Variants in IMPG1 observed in about 807,000 individuals in gnomAD.
The protein encoded by IMPG1 is interphotoreceptor matrix proteoglycan 1.
IMPG1 carries 85 observed loss-of-function variants against 92.0 expected under a neutral mutation model. The observed-to-expected ratio is 0.92, with a 90% CI of 0.78 to 1.11. The LOEUF (loss-of-function observed/expected upper bound fraction) is 1.11. Ranked by LOEUF, IMPG1 falls within the 50% of genes least tolerant of loss-of-function variation. The pLI, the probability that IMPG1 is intolerant of heterozygous loss-of-function variation, is 0.00. For synonymous variants in IMPG1, 367 were observed against 334.1 expected (o/e 1.10, Z -1.08); for missense variants, 1,022 against 956.0 (o/e 1.07, Z -0.91).
intron 14 of IMPG1, among the ~76,000 whole-genome samples, chr6:75,932,499 G>T (rs991433290): frequency 6.6e-6 from 1 of 152,178 alleles, no homozygotes; most frequent in Non-Finnish European, 1.5e-5. Context: ...AAAAATGGAT[G>T]TGGGCTGATT....
At chr6:76,030,347 A>T (rs1783632611) in intron 4 of IMPG1, among the ~76,000 whole-genome samples, 1 of 152,014 alleles carries the variant, frequency 6.6e-6, no homozygotes, top group Non-Finnish European at 1.5e-5. Flanking sequence ...TATCTTGGGC[A>T]TATGTTAGGA....
rs80281468 is a variant in IMPG1, at chr6:75,992,834, G to A, written c.1291+10084C>T. ...GGAGGGTCATCTCCTTTCTCTTCAC[G>A]AAAGTCCTTTATACCCTTCTCAACC... On this transcript the variant is annotated intron_variant, in intron 12 of 16. Transcript: ENST00000369950. 4.8e-3 allele frequency among the ~76,000 whole-genome samples: 724 copies of A among 152,140 alleles called. 6 individuals are homozygous for A. The highest frequency in any genetic ancestry group is 0.016 in the African/African-American group (653 of 41,494).
At chr6:76,064,593 T>C (rs1435679765) in intron 1 of IMPG1, among the ~76,000 whole-genome samples, 1 of 152,024 alleles carries the variant, frequency 6.6e-6, no homozygotes, top group Non-Finnish European at 1.5e-5. Flanking sequence ...TCTTAGGGCT[T>C]GTTTGTGCCT....
rs1338550575 is a variant in IMPG1, at chr6:75,921,551, A to T, written c.*538T>A. On this transcript the variant is annotated 3_prime_UTR_variant, in exon 17 of 17. Transcript: ENST00000369950. ...GTTGCGTATAAAACTAGTGTGCCTA[A>T]TAACTGAATACTGAGGTTTGTGTTT... The T allele has an allele frequency of 6.5e-6, 1 of 152,712 alleles. No homozygotes were observed. Among genetic ancestry groups the T allele is most frequent in the Non-Finnish European group, 1.5e-5 (1 of 68,084 alleles). 9.5% of individuals were successfully genotyped at this position (152,712 alleles called of 1,614,324 possible). A position where few individuals can be genotyped will look rare whatever the true frequency, so the allele number is the denominator to read the frequency against.
chr6:76,027,821 G>A (rs1431681559), intron 4 of IMPG1, among the ~76,000 whole-genome samples: 1 of 152,080 alleles, frequency 6.6e-6, no homozygotes, highest in Non-Finnish European at 1.5e-5. Context: ...CATCATTTTG[G>A]CACAATAAAT....
intron 12 of IMPG1, among the ~76,000 whole-genome samples, chr6:75,971,098 GA>G (rs1213305374): frequency 6.6e-6 from 1 of 152,042 alleles, no homozygotes; most frequent in Non-Finnish European, 1.5e-5. Flanking sequence ...ACTGGATTAA[GA>G]AAATGTGGCA....
In IMPG1 at chr6:76,005,360, G is replaced by A. The variant is rs1783076782; in HGVS notation, c.1062C>T (p.Asp354=). 2.5e-6 allele frequency: 4 copies of A among 1,613,772 alleles called. No homozygotes were observed. Among genetic ancestry groups the A allele is most frequent in the South Asian group, 2.2e-5 (2 of 91,076 alleles). The part of the protein sequence containing the change: ...KQPEIYLTAT[D]LKRLISKALE... ...GTGCTTTGCTGATCAGCCTTTTGAG[G>A]TCTGTAGCTGTGAGATAGATTTCTG... Residue 354 remains aspartate (D), a synonymous_variant, in exon 10 of 17, where the codon GAC becomes GAT. Transcript: ENST00000369950.
At chr6:75,952,357 A>C (rs1466340923) in intron 12 of IMPG1, among the ~76,000 whole-genome samples, 1 of 152,166 alleles carries the variant, frequency 6.6e-6, no homozygotes, top group African/African-American at 2.4e-5. Context: ...CAGTCAGCTA[A>C]TTTACTACGG....
At chr6:75,966,576 G>A (rs1217008360) in intron 12 of IMPG1, among the ~76,000 whole-genome samples, 1 of 152,066 alleles carries the variant, frequency 6.6e-6, no homozygotes, top group African/African-American at 2.4e-5. Flanking sequence ...AGAACTATAA[G>A]CAATACATTT....
At chr6:76,025,821 AG>A (rs1313035813) in intron 4 of IMPG1, among the ~76,000 whole-genome samples, 11 of 152,204 alleles carry the variant, frequency 7.2e-5, no homozygotes, top group Non-Finnish European at 1.5e-4. Context: ...GTAGGTTCTC[AG>A]TGCCATGGAA....
chr6:75,966,159 A>T (rs2149463702), intron 12 of IMPG1, among the ~76,000 whole-genome samples: 1 of 152,290 alleles, frequency 6.6e-6, no homozygotes, highest in African/African-American at 2.4e-5. Context: ...TTTGTATATA[A>T]TATCAGGGTA....
intron 16 of IMPG1, among the ~76,000 whole-genome samples, 165 bp downstream of exon 16, chr6:75,923,469 T>C (rs1172944270): frequency 6.6e-6 from 1 of 152,174 alleles, no homozygotes; most frequent in Non-Finnish European, 1.5e-5. Flanking sequence ...CCCAGCCTTC[T>C]GACTCTATCC....
chr6:75,957,427 G>T (rs916120719), intron 12 of IMPG1, among the ~76,000 whole-genome samples: 22 of 152,122 alleles, frequency 1.4e-4, no homozygotes, highest in African/African-American at 4.8e-4. Flanking sequence ...TATTAGGTCC[G>T]CTTGACCCAG....
At chr6:76,002,814 T>G (rs977827982) in intron 12 of IMPG1, 104 bp downstream of exon 12, 1 of 858,500 alleles carries the variant, frequency 1.2e-6, no homozygotes, top group Non-Finnish European at 1.9e-6. Flanking sequence ...AACCTTTTCC[T>G]GGGTTCGGGA....
intron 9 of IMPG1, among the ~76,000 whole-genome samples, chr6:76,005,758 G>T (rs1337303120): frequency 6.6e-6 from 1 of 151,196 alleles, no homozygotes; most frequent in Non-Finnish European, 1.5e-5. Flanking sequence ...CAGGAGGGAG[G>T]TCAGTCCACC....
At position 76,026,965 on chromosome 6, in the gene IMPG1, G is replaced by T. The variant is rs541828754; in HGVS notation, c.498-1707C>A. Among the ~76,000 whole-genome samples, 3 of 152,256 alleles carry T rather than the reference G, an allele frequency of 2.0e-5. No homozygotes were observed. In the South Asian group the frequency reaches 6.2e-4, roughly 32 times the overall value. ...TTTTTCTAAATCTGTCTCTTAAATA[G>T]CCCCATTCAGTGACTAGGTTTTCTT... On this transcript the variant is annotated intron_variant, in intron 4 of 16. Transcript: ENST00000369950.
At chr6:75,937,221 G>A (rs1781761550) in intron 14 of IMPG1, among the ~76,000 whole-genome samples, 1 of 152,072 alleles carries the variant, frequency 6.6e-6, no homozygotes, top group Admixed American at 6.5e-5. Flanking sequence ...GCATATAAAG[G>A]GGACTCTTGG....
At chr6:76,063,910 C>T (rs1034873817) in intron 1 of IMPG1, among the ~76,000 whole-genome samples, 25 of 152,226 alleles carry the variant, frequency 1.6e-4, no homozygotes, top group African/African-American at 5.8e-4. Context: ...AAGAGCTTCC[C>T]GCTTATGGAC....
intron 12 of IMPG1, among the ~76,000 whole-genome samples, chr6:75,977,980 A>G (rs1028032570): frequency 6.6e-6 from 1 of 152,136 alleles, no homozygotes; most frequent in Non-Finnish European, 1.5e-5. Context: ...AAGTGCAGTC[A>G]GTGACACAAT....
Sources: allele counts gnomAD v4.1 joint callset (sites outside exome capture counted in the v4.1 genomes callset), GRCh38; gene constraint gnomAD v4.1.1; transcripts MANE v1.5; gene names NCBI Gene and HGNC (gene_info 2026-07-23, HGNC 2026-07-21).